Variants in MAST4 observed in about 807,000 individuals in gnomAD.
MAST4 encodes microtubule-associated serine/threonine-protein kinase 4.
A neutral mutation model predicts 162.7 loss-of-function variants in MAST4; 89 were observed. The observed-to-expected ratio is 0.55, with a 90% CI of 0.46 to 0.65. The LOEUF is 0.65. MAST4 is among the 30% of genes least tolerant of loss of function. The pLI is 0.00. For missense variants in MAST4, 3,153 were observed against 3,374.0 expected, an observed-to-expected ratio of 0.93 and a Z score of 1.62; for synonymous variants, 1,479 against 1,361.1, an observed-to-expected ratio of 1.09 and a Z score of -1.91.
intron 4 of MAST4, among the ~76,000 whole-genome samples, chr5:66,948,143 G>A (rs973589010): frequency 7.2e-5 from 11 of 152,114 alleles, no homozygotes; most frequent in African/African-American, 2.4e-4. Flanking sequence ...CAGGCTGAGG[G>A]ACTAAGTTCC....
At chr5:66,642,520 A>G (rs1368217129) in intron 1 of MAST4, among the ~76,000 whole-genome samples, 1 of 152,192 alleles carries the variant, frequency 6.6e-6, no homozygotes, top group African/African-American at 2.4e-5. Flanking sequence ...GTTATGTTTA[A>G]AAAGAGTTAT....
At chr5:67,040,197 AC>A (rs1756557622) in intron 4 of MAST4, among the ~76,000 whole-genome samples, 1 of 152,152 alleles carries the variant, frequency 6.6e-6, no homozygotes, top group Middle Eastern at 3.2e-3. Flanking sequence ...GAAATAAGAA[AC>A]CAGAAAAGTC....
chr5:66,680,645 A>G (rs539342977), intron 1 of MAST4, among the ~76,000 whole-genome samples: 2 of 152,326 alleles, frequency 1.3e-5, no homozygotes, highest in Admixed American at 1.3e-4. Context: ...AACAGGGGCC[A>G]TACTTCTGGG....
intron 5 of MAST4, among the ~76,000 whole-genome samples, chr5:67,086,265 G>C (rs928950471): frequency 6.6e-6 from 1 of 152,158 alleles, no homozygotes; most frequent in African/African-American, 2.4e-5. Context: ...GCTATTAAAA[G>C]CACATTAATA....
chr5:66,597,354 C>T (rs1449137882), intron 1 of MAST4, among the ~76,000 whole-genome samples: 3 of 152,234 alleles, frequency 2.0e-5, no homozygotes, highest in African/African-American at 7.2e-5. Context: ...CCACAACTCA[C>T]CTCTGATTCT....
chr5:66,954,177 C>T (rs1745024128), intron 4 of MAST4, among the ~76,000 whole-genome samples: 1 of 152,164 alleles, frequency 6.6e-6, no homozygotes, highest in South Asian at 2.1e-4. Flanking sequence ...AAATATATCA[C>T]ACTACTCTAG....
At chr5:66,899,270 G>T (rs1762863394) in intron 3 of MAST4, among the ~76,000 whole-genome samples, 2 of 152,142 alleles carry the variant, frequency 1.3e-5, no homozygotes, top group African/African-American at 4.8e-5. Context: ...GCCTCTTGAT[G>T]ATTAGGTAGG....
intron 4 of MAST4, among the ~76,000 whole-genome samples, chr5:66,924,036 C>T (rs530268035): frequency 1.2e-4 from 18 of 152,308 alleles, no homozygotes; most frequent in Admixed American, 7.2e-4. Flanking sequence ...CAGTGAATGA[C>T]ATATGATAGG....
intron 1 of MAST4, among the ~76,000 whole-genome samples, chr5:66,643,296 C>T (rs2149437926): frequency 6.6e-6 from 1 of 152,262 alleles, no homozygotes; most frequent in Admixed American, 6.5e-5. Context: ...CTGTGCGGAG[C>T]TTCCCTTATT....
intron 26 of MAST4, among the ~76,000 whole-genome samples, chr5:67,157,043 G>C (rs889230059): frequency 6.6e-6 from 1 of 152,164 alleles, no homozygotes; most frequent in Non-Finnish European, 1.5e-5. Flanking sequence ...TTTTAAACAA[G>C]TGCTACAGAA....
At chr5:67,116,739 C>G (rs1246253575) in intron 12 of MAST4, among the ~76,000 whole-genome samples, 2 of 151,922 alleles carry the variant, frequency 1.3e-5, no homozygotes, top group East Asian at 2.0e-4. Flanking sequence ...TCGCTCGAAC[C>G]CAGGAGGCAG....
At chr5:66,892,818 T>C (rs1170750898) in intron 3 of MAST4, among the ~76,000 whole-genome samples, 1 of 152,220 alleles carries the variant, frequency 6.6e-6, no homozygotes, top group South Asian at 2.1e-4. Flanking sequence ...ATCTCATGGC[T>C]TTGCAACTCT....
chr5:66,762,360 T>A (rs993193590), intron 2 of MAST4, among the ~76,000 whole-genome samples: 2 of 152,190 alleles, frequency 1.3e-5, no homozygotes, highest in African/African-American at 4.8e-5. Flanking sequence ...CTCTGTATGG[T>A]TTAGCTGAAG....
intron 19 of MAST4, among the ~76,000 whole-genome samples, chr5:67,139,362 A>G (rs1384521517): frequency 6.6e-6 from 1 of 152,266 alleles, no homozygotes; most frequent in Non-Finnish European, 1.5e-5. Flanking sequence ...AACTTCCATG[A>G]AAGGAGAGAA....
At chr5:67,006,998 T>C (rs567565111) in intron 4 of MAST4, among the ~76,000 whole-genome samples, 1 of 152,306 alleles carries the variant, frequency 6.6e-6, no homozygotes, top group East Asian at 1.9e-4. Flanking sequence ...GTTTTGCAGT[T>C]TGGAAATAAA....
At chr5:67,151,405 T>C (rs917500610) in intron 24 of MAST4, among the ~76,000 whole-genome samples, 3 of 152,152 alleles carry the variant, frequency 2.0e-5, no homozygotes, top group Non-Finnish European at 4.4e-5. Flanking sequence ...CACTAATTCA[T>C]TTATGAGGGG....
Position 66,689,749 on chromosome 5 carries a change from A to G in MAST4, c.364-69960A>G, listed in dbSNP as rs1748918541. The stretch of plus-strand genomic sequence containing the variant: ...ACTTTAGCTCAGCATTTCTGATTAA[A>G]CCATTTACTGTTTACCCCAACAGTC... On this transcript the variant is annotated intron_variant, in intron 1 of 28. Coordinates refer to ENST00000403625, the MANE Select transcript of MAST4 (RefSeq NM_001164664.2). Among the ~76,000 whole-genome samples the G allele has an allele frequency of 1.3e-5, 2 of 152,152 alleles. 1 individual carries two copies. Among genetic ancestry groups the G allele is most frequent in the South Asian group, 4.1e-4 (2 of 4,830 alleles).
intron 3 of MAST4, among the ~76,000 whole-genome samples, chr5:66,848,237 A>G (rs115288837): frequency 0.012 from 1,787 of 152,170 alleles, 38 homozygotes; most frequent in African/African-American, 0.041. Context: ...TTTCTTCTAC[A>G]AAGTTTTCTT....
At position 66,894,287 on chromosome 5, in the gene MAST4, A is replaced by T. The variant is rs138102922; in HGVS notation, c.643-5664A>T. On this transcript the variant is annotated intron_variant, in intron 3 of 28. Coordinates refer to ENST00000403625, the MANE Select transcript of MAST4 (RefSeq NM_001164664.2). ...TCTCTAGGGGTGGGGCTCAGGCGTT[A>T]GTATTTTTAAAAACTCCCTGGGTGA... 2.4e-3 allele frequency among the ~76,000 whole-genome samples: 372 copies of T among 152,334 alleles called. 2 individuals are homozygous for T. The highest frequency in any genetic ancestry group is 8.6e-3 in the African/African-American group (357 of 41,580).
Sources: gnomAD v4.1 joint callset for allele counts (sites outside exome capture counted in the v4.1 genomes callset) on GRCh38, gnomAD v4.1.1 for gene constraint, MANE v1.5 for transcripts, NCBI Gene and HGNC (gene_info 2026-07-23, HGNC 2026-07-21) for gene names.